CADM2: variants seen among roughly 807,000 people sequenced by gnomAD.
CADM2 encodes immunoglobulin superfamily member 4D.
Under a neutral mutation model 49.8 loss-of-function variants are expected in CADM2, and 12 were observed. That is an observed-to-expected ratio of 0.24 (90% CI 0.15 to 0.39). CADM2 has a LOEUF of 0.39. Ranked by LOEUF, CADM2 falls within the 10% of genes least tolerant of loss-of-function variation. The probability of loss-of-function intolerance (pLI) is 1.00; values close to 1 mark genes in which losing one functional copy is unlikely to be tolerated. For synonymous variants in CADM2, 214 were observed against 175.4 expected, an observed-to-expected ratio of 1.22 and a Z score of -1.74; for missense variants, 378 against 492.3, an observed-to-expected ratio of 0.77 and a Z score of 2.20.
intron 2 of CADM2, among the ~76,000 whole-genome samples, chr3:85,734,979 T>C (rs1317366758): frequency 7.5e-5 from 3 of 39,900 alleles, no homozygotes; most frequent in Non-Finnish European, 1.3e-4. Context: ...AATATATATA[T>C]GTGTGTGTGT....
chr3:85,459,397 C>G (rs1006944895), intron 1 of CADM2, among the ~76,000 whole-genome samples: 1 of 152,276 alleles, frequency 6.6e-6, no homozygotes, highest in East Asian at 1.9e-4. Context: ...GAATAAGAGA[C>G]TAGAAATGGG....
chr3:85,798,687 T>C (rs972262131), intron 2 of CADM2, among the ~76,000 whole-genome samples: 5 of 152,364 alleles, frequency 3.3e-5, no homozygotes, highest in Admixed American at 2.6e-4. Context: ...TGATATAGTT[T>C]TAAGTCAGTT....
intron 1 of CADM2, among the ~76,000 whole-genome samples, chr3:85,686,434 A>G (rs1294878255): frequency 6.6e-6 from 1 of 152,226 alleles, no homozygotes; most frequent in Admixed American, 6.5e-5. Context: ...TTTTAAACAC[A>G]TATCTCTTAG....
At chr3:85,550,207 C>T (rs1438294581) in intron 1 of CADM2, among the ~76,000 whole-genome samples, 1 of 152,122 alleles carries the variant, frequency 6.6e-6, no homozygotes, top group Non-Finnish European at 1.5e-5. Context: ...TTTTACTAAC[C>T]TGTCCAGCAT....
At chr3:84,984,356 TAAAAAAA>T (rs375702349) in intron 1 of CADM2, among the ~76,000 whole-genome samples, 20 of 67,066 alleles carry the variant, frequency 3.0e-4, no homozygotes, top group African/African-American at 1.4e-3. Context: ...AAGATTAAGC[TAAAAAAA>T]AAAAAAAAAA....
At chr3:85,771,670 C>A (rs775611127) in intron 2 of CADM2, among the ~76,000 whole-genome samples, 5 of 152,002 alleles carry the variant, frequency 3.3e-5, no homozygotes, top group Non-Finnish European at 7.4e-5. Flanking sequence ...TAAAAAGGGT[C>A]TCTCTTTGCA....
chr3:85,255,658 G>A (rs2042868662), intron 1 of CADM2, among the ~76,000 whole-genome samples: 2 of 152,036 alleles, frequency 1.3e-5, no homozygotes, highest in South Asian at 4.2e-4. Flanking sequence ...CACTAAATAT[G>A]GAATTTCATA....
chr3:85,861,865 C>CTTATTA (rs1395984080), intron 3 of CADM2, among the ~76,000 whole-genome samples: 1 of 151,840 alleles, frequency 6.6e-6, no homozygotes, highest in African/African-American at 2.4e-5. Context: ...CTAATAATAT[C>CTTATTA]ATAAATTAAT....
chr3:85,409,751 A>T (rs1013614984), intron 1 of CADM2, among the ~76,000 whole-genome samples: 5 of 152,132 alleles, frequency 3.3e-5, no homozygotes, highest in Admixed American at 3.3e-4. Context: ...AATTGAATGA[A>T]GACGTATTTA....
At chr3:85,982,828 C>T (rs9875386) in intron 8 of CADM2, among the ~76,000 whole-genome samples, 4 of 151,424 alleles carry the variant, frequency 2.6e-5, no homozygotes, top group Non-Finnish European at 4.4e-5. Flanking sequence ...ATATTGCCTA[C>T]GAAAAGCTGA....
intron 2 of CADM2, among the ~76,000 whole-genome samples, chr3:85,731,269 G>T (rs74552725): frequency 2.0e-5 from 3 of 152,050 alleles, no homozygotes; most frequent in Admixed American, 6.6e-5. Flanking sequence ...TAAGTCAGGT[G>T]CCTATATTTT....
intron 3 of CADM2, among the ~76,000 whole-genome samples, chr3:85,863,109 C>G (rs566283072): frequency 6.6e-6 from 1 of 152,102 alleles, no homozygotes; most frequent in Admixed American, 6.6e-5. Flanking sequence ...TAAATATAGG[C>G]ATTGTCAGCA....
intron 1 of CADM2, among the ~76,000 whole-genome samples, chr3:85,564,766 T>C (rs1160498171): frequency 6.6e-6 from 1 of 152,054 alleles, no homozygotes; most frequent in Non-Finnish European, 1.5e-5. Flanking sequence ...AGGAGCAACA[T>C]ACTTTAATAC....
chr3:85,706,682 T>C (rs549541425), intron 1 of CADM2, among the ~76,000 whole-genome samples: 25 of 152,274 alleles, frequency 1.6e-4, no homozygotes, highest in African/African-American at 6.0e-4. Flanking sequence ...TATACATTTC[T>C]CAATAACTGA....
intron 1 of CADM2, among the ~76,000 whole-genome samples, chr3:85,589,612 C>A (rs1266395177): frequency 6.6e-6 from 1 of 151,932 alleles, no homozygotes. Flanking sequence ...ACATAGGGAA[C>A]CCAGAGACAA....
chr3:85,053,689 T>C (rs2035970237), intron 1 of CADM2, among the ~76,000 whole-genome samples: 2 of 151,840 alleles, frequency 1.3e-5, no homozygotes, highest in South Asian at 4.1e-4. Context: ...TTAAGTAGAG[T>C]TTGGAATCGG....
At chr3:85,281,338 A>G in intron 1 of CADM2, among the ~76,000 whole-genome samples, 1 of 151,994 alleles carries the variant, frequency 6.6e-6, no homozygotes, top group East Asian at 1.9e-4. Flanking sequence ...ATCCTAATGT[A>G]TATGTTATTT....
At chr3:85,273,806 C>A (rs906450664) in intron 1 of CADM2, among the ~76,000 whole-genome samples, 7 of 150,454 alleles carry the variant, frequency 4.7e-5, no homozygotes, top group Non-Finnish European at 8.9e-5. Flanking sequence ...TTTTATGAGT[C>A]ATTTTCACAT....
intron 1 of CADM2, among the ~76,000 whole-genome samples, chr3:85,495,796 AAC>A (rs2039862957): frequency 1.3e-5 from 2 of 152,038 alleles, no homozygotes; most frequent in South Asian, 4.1e-4. Flanking sequence ...ATTCTGCAGT[AAC>A]AGAGTGAGGA....
Sources: allele counts gnomAD v4.1 joint callset (sites outside exome capture counted in the v4.1 genomes callset), GRCh38; gene constraint gnomAD v4.1.1; transcripts MANE v1.5; gene names NCBI Gene and HGNC (gene_info 2026-07-23, HGNC 2026-07-21).